Variants in BCAR3 observed in about 807,000 individuals in gnomAD.
BCAR3 encodes the protein BCAR3 adaptor protein, NSP family member.
BCAR3 carries 37 observed loss-of-function variants against 80.1 expected under a neutral mutation model. The ratio of observed to expected loss-of-function variants is 0.46; its 90% CI spans 0.36 to 0.61. The LOEUF (loss-of-function observed/expected upper bound fraction) is 0.61. BCAR3 is among the 20% of genes least tolerant of loss of function. BCAR3 has a pLI of 0.00. For synonymous variants in BCAR3, 389 were observed against 418.9 expected (o/e 0.93, Z 0.87); for missense variants, 978 against 1,068.2 (o/e 0.92, Z 1.18).
intron 2 of BCAR3, among the ~76,000 whole-genome samples, chr1:93,769,970 G>A (rs1271808945): frequency 6.6e-6 from 1 of 152,170 alleles, no homozygotes; most frequent in Non-Finnish European, 1.5e-5. Context: ...CCAAGAAAGA[G>A]GACAAAAGCA....
intron 2 of BCAR3, among the ~76,000 whole-genome samples, chr1:93,801,225 T>A (rs1269818599): frequency 2.6e-5 from 4 of 152,202 alleles, no homozygotes; most frequent in Non-Finnish European, 5.9e-5. Flanking sequence ...AAGCAAGGCC[T>A]CTGTTTAGAT....
At chr1:93,764,760 C>T (rs963062850) in intron 2 of BCAR3, among the ~76,000 whole-genome samples, 1 of 152,140 alleles carries the variant, frequency 6.6e-6, no homozygotes, top group Non-Finnish European at 1.5e-5. Context: ...TGTGGGGGAC[C>T]TGGTCAGAAT....
rs1478125481 is a variant in BCAR3, at chr1:93,845,944, TTC to T, written c.-208-234_-208-233del. Among the ~76,000 whole-genome samples, 6 of 152,346 alleles carry T rather than the reference TTC, an allele frequency of 3.9e-5. No homozygotes were observed. The East Asian group carries it at 9.6e-4, about 24-fold the overall frequency. On this transcript the variant is annotated intron_variant, in intron 1 of 13. Coordinates refer to the BCAR3 transcript ENST00000370244. ...ATCTCTGACTCAGAAGTCTGGTGTG[TTC>T]TGTCAGCATTCATGAAACCGTGAAA...
At chr1:93,830,936 C>T (rs1207092932) in intron 2 of BCAR3, among the ~76,000 whole-genome samples, 3 of 151,444 alleles carry the variant, frequency 2.0e-5, no homozygotes, top group East Asian at 1.9e-4. Context: ...TGCTACCCTT[C>T]AATCTCCCTT....
chr1:93,755,723 G>A (rs1036315161), intron 2 of BCAR3, among the ~76,000 whole-genome samples: 3 of 152,068 alleles, frequency 2.0e-5, no homozygotes, highest in Non-Finnish European at 2.9e-5. Flanking sequence ...AGCTACACAC[G>A]ACTATATATA....
At chr1:93,752,817 G>A (rs1379698279) in intron 2 of BCAR3, 1 of 152,208 alleles carries the variant, frequency 6.6e-6, no homozygotes, top group Non-Finnish European at 1.5e-5. Context: ...AAGGGACTAA[G>A]CTTGACTTCT....
At chr1:93,704,547 G>A (rs1168052559) in intron 3 of BCAR3, among the ~76,000 whole-genome samples, 1 of 152,208 alleles carries the variant, frequency 6.6e-6, no homozygotes, top group Non-Finnish European at 1.5e-5. Flanking sequence ...TAGCCATGGA[G>A]CACTTAGCTA....
intron 2 of BCAR3, among the ~76,000 whole-genome samples, chr1:93,776,519 A>G (rs990612749): frequency 6.6e-6 from 1 of 152,220 alleles, no homozygotes; most frequent in African/African-American, 2.4e-5. Context: ...ATTTTCAAAC[A>G]AAATCTATAT....
chr1:93,826,869 G>A lies in BCAR3; in HGVS notation c.-63+18698C>T, dbSNP rs184613420. On this transcript the variant is annotated intron_variant, in intron 2 of 13. Transcript: ENST00000370244. ...GCCTATGTGTACCTGGGAGGGCAGG[G>A]GTTCCTGTTCAGGCTAAGCATGTGC... Among the ~76,000 whole-genome samples the A allele has an allele frequency of 2.6e-5, 4 of 152,174 alleles. No individual in the cohort carries two copies. In the East Asian group the frequency reaches 5.8e-4, roughly 22 times the overall value.
chr1:93,725,047 A>G (rs1650532734), intron 2 of BCAR3, among the ~76,000 whole-genome samples: 1 of 151,876 alleles, frequency 6.6e-6, no homozygotes, highest in African/African-American at 2.4e-5. Flanking sequence ...ACTTCTCCTC[A>G]CCCTGCTCTG....
At chr1:93,616,139 C>T (rs904137167) in intron 3 of BCAR3, among the ~76,000 whole-genome samples, 8 of 152,168 alleles carry the variant, frequency 5.3e-5, no homozygotes, top group African/African-American at 1.4e-4. Context: ...GGTATCACAG[C>T]TCTTGTTACC....
At chr1:93,803,060 G>T (rs968634037) in intron 2 of BCAR3, among the ~76,000 whole-genome samples, 2 of 152,154 alleles carry the variant, frequency 1.3e-5, no homozygotes, top group Non-Finnish European at 2.9e-5. Flanking sequence ...CAAATGTGGG[G>T]TGACCAACCT....
chr1:93,719,483 G>A (rs140786257), intron 2 of BCAR3, among the ~76,000 whole-genome samples: 2,410 of 151,714 alleles, frequency 0.016, 44 homozygotes, highest in Non-Finnish European at 0.02. Flanking sequence ...TGGGACTACA[G>A]GCGCCCACCA....
Position 93,575,872 on chromosome 1 carries a change from G to T in BCAR3, c.1802+142C>A, listed in dbSNP as rs542087112. On this transcript the variant is annotated intron_variant, in intron 8 of 11. Coordinates refer to ENST00000260502, the MANE Select transcript of BCAR3 (RefSeq NM_003567.4). Reference sequence around the variant, plus strand: ...ATTCTCAGGCTCAGGCTTCTGGGAAGAGTCGCTGTAGGCCATGCGCCCTGA... The same window carrying T: ...ATTCTCAGGCTCAGGCTTCTGGGAATAGTCGCTGTAGGCCATGCGCCCTGA... 6.8e-5 allele frequency: 43 copies of T among 630,248 alleles called. 1 individual carries two copies. The South Asian group carries it at 7.3e-4, about 11-fold the overall frequency. 39.0% of individuals were successfully genotyped at this position (630,248 alleles called of 1,614,324 possible). A position where few individuals can be genotyped will look rare whatever the true frequency, so the allele number is the denominator to read the frequency against.
At chr1:93,737,344 T>C (rs1051189135) in intron 2 of BCAR3, among the ~76,000 whole-genome samples, 13 of 152,136 alleles carry the variant, frequency 8.5e-5, no homozygotes, top group African/African-American at 3.1e-4. Flanking sequence ...GAGGACATAG[T>C]GGATTCGGGA....
At chr1:93,605,563 T>C (rs1674750052) in intron 3 of BCAR3, 1 of 152,224 alleles carries the variant, frequency 6.6e-6, no homozygotes, top group African/African-American at 2.4e-5. Flanking sequence ...ATAAAAGAGT[T>C]TGAAAACCGG....
intron 2 of BCAR3, among the ~76,000 whole-genome samples, chr1:93,664,002 T>C (rs1647781898): frequency 6.6e-6 from 1 of 152,210 alleles, no homozygotes; most frequent in Non-Finnish European, 1.5e-5. Flanking sequence ...GAATCCTTTT[T>C]CTTACAGTCT....
At chr1:93,750,267 AG>A (rs1651511342) in intron 2 of BCAR3, among the ~76,000 whole-genome samples, 1 of 152,192 alleles carries the variant, frequency 6.6e-6, no homozygotes, top group African/African-American at 2.4e-5. Context: ...GGCACCAGCG[AG>A]GGCATCTTGT....
intron 2 of BCAR3, among the ~76,000 whole-genome samples, chr1:93,821,915 G>A (rs753550801): frequency 4.6e-5 from 7 of 152,216 alleles, no homozygotes; most frequent in Non-Finnish European, 8.8e-5. Context: ...GCTTGGGTGT[G>A]TGCTTTCTGC....
Sources: allele counts gnomAD v4.1 joint callset (sites outside exome capture counted in the v4.1 genomes callset), GRCh38; gene constraint gnomAD v4.1.1; transcripts MANE v1.5; gene names NCBI Gene and HGNC (gene_info 2026-07-23, HGNC 2026-07-21).